RBFOX1: variants seen among roughly 807,000 people sequenced by gnomAD.
RBFOX1 encodes the protein RNA binding fox-1 homolog 1.
A neutral mutation model predicts 57.7 loss-of-function variants in RBFOX1; 8 were observed. The ratio of observed to expected loss-of-function variants is 0.14; its 90% CI spans 0.08 to 0.25. The LOEUF (loss-of-function observed/expected upper bound fraction) is 0.25. Among genes scored for constraint, RBFOX1 ranks in the 10% least tolerant of loss-of-function variants. RBFOX1 has a pLI of 1.00. For synonymous variants in RBFOX1, 326 were observed against 222.4 expected, an observed-to-expected ratio of 1.47 and a Z score of -4.15; for missense variants, 611 against 548.5, an observed-to-expected ratio of 1.11 and a Z score of -1.14.
chr16:6,471,512 G>C (rs1270328479), intron 2 of RBFOX1, among the ~76,000 whole-genome samples: 1 of 150,460 alleles, frequency 6.6e-6, no homozygotes, highest in East Asian at 2.0e-4. Context: ...AATGTTAAAA[G>C]AATGACTCCA....
intron 1 of RBFOX1, among the ~76,000 whole-genome samples, chr16:5,340,445 T>TTCTATGATCTGTCAGATCTATGA (rs1365522287): frequency 2.6e-5 from 4 of 152,216 alleles, no homozygotes; most frequent in Non-Finnish European, 5.9e-5. Flanking sequence ...CAAGAAATAA[T>TTCTATGATCTGTCAGATCTATGA]TCTATGATCT....
rs368225308 is a variant in RBFOX1, at chr16:6,442,334, G to T, written c.-64+125277G>T. 2.8e-4 allele frequency among the ~76,000 whole-genome samples: 42 copies of T among 152,254 alleles called. No individual in the cohort carries two copies. The South Asian group carries it at 8.5e-3, about 31-fold the overall frequency. On this transcript the variant is annotated intron_variant, in intron 2 of 15. Transcript: ENST00000550418. ...GCACTTTGGGAGGCCAAGGTGGGTG[G>T]ATCACGAGGTCAAGAGATTGAGACC...
rs1029693549 is a variant in RBFOX1, at chr16:7,090,781, G to A, written c.27+38683G>A. Among the ~76,000 whole-genome samples the A allele has an allele frequency of 9.2e-5, 14 of 152,270 alleles. 1 individual carries two copies. Among genetic ancestry groups the A allele is most frequent in the South Asian group, 8.3e-4 (4 of 4,832 alleles). On this transcript the variant is annotated intron_variant, in intron 4 of 15. Transcript: ENST00000550418. ...GGAGGGGGAAACAGCCTTCCCTACGGACTTCTTGGAAAAGCAGGGAAGTCA... is the reference window on the plus strand; with the variant it reads ...GGAGGGGGAAACAGCCTTCCCTACGAACTTCTTGGAAAAGCAGGGAAGTCA...
At chr16:5,940,803 G>C (rs1405996725) in intron 4 of RBFOX1, among the ~76,000 whole-genome samples, 1 of 152,122 alleles carries the variant, frequency 6.6e-6, no homozygotes, top group Non-Finnish European at 1.5e-5. Context: ...ATGGGACTTG[G>C]GCTGGCAGCT....
chr16:5,378,828 C>A (rs2066057417), intron 1 of RBFOX1, among the ~76,000 whole-genome samples: 1 of 151,608 alleles, frequency 6.6e-6, no homozygotes, highest in Non-Finnish European at 1.5e-5. Flanking sequence ...ACAGTAGGTG[C>A]TTAGAAAATG....
intron 2 of RBFOX1, among the ~76,000 whole-genome samples, chr16:6,352,041 T>G (rs1466737403): frequency 1.3e-5 from 2 of 152,196 alleles, no homozygotes; most frequent in African/African-American, 2.4e-5. Flanking sequence ...TTCTGTCTGT[T>G]GGGCAGGGAG....
At chr16:6,662,383 C>T (rs996966876) in intron 3 of RBFOX1, among the ~76,000 whole-genome samples, 10 of 152,086 alleles carry the variant, frequency 6.6e-5, no homozygotes, top group Middle Eastern at 3.2e-3. Context: ...CACATTGTAT[C>T]TGTTAAATAT....
At chr16:7,220,333 T>G (rs959787874) in intron 4 of RBFOX1, among the ~76,000 whole-genome samples, 5 of 152,188 alleles carry the variant, frequency 3.3e-5, no homozygotes, top group Admixed American at 2.0e-4. Flanking sequence ...ATTTCTAAAC[T>G]TGGTGTCATT....
chr16:5,849,909 C>G (rs879269680), intron 3 of RBFOX1, among the ~76,000 whole-genome samples: 5 of 152,202 alleles, frequency 3.3e-5, no homozygotes, highest in African/African-American at 1.2e-4. Flanking sequence ...CCCAGCAGCT[C>G]CCTGCTCCTA....
chr16:7,704,094 G>A (rs1263652340), intron 14 of RBFOX1, among the ~76,000 whole-genome samples: 1 of 152,144 alleles, frequency 6.6e-6, no homozygotes, highest in Non-Finnish European at 1.5e-5. Context: ...AGGAAGATGA[G>A]GCTCAGAGAG....
At chr16:5,773,513 G>A (rs1426765446) in intron 3 of RBFOX1, among the ~76,000 whole-genome samples, 2 of 152,142 alleles carry the variant, frequency 1.3e-5, no homozygotes, top group Admixed American at 6.5e-5. Flanking sequence ...TAACATGAAC[G>A]TACTGCAGTT....
chr16:7,682,347 G>A (rs910194193), intron 14 of RBFOX1, among the ~76,000 whole-genome samples: 7 of 152,042 alleles, frequency 4.6e-5, no homozygotes, highest in Admixed American at 6.6e-5. Flanking sequence ...AAGGAACTGA[G>A]GATGGAGTTC....
chr16:7,164,453 T>A (rs2079020693), intron 4 of RBFOX1, among the ~76,000 whole-genome samples: 1 of 152,186 alleles, frequency 6.6e-6, no homozygotes, highest in Non-Finnish European at 1.5e-5. Context: ...TTTTGTATAG[T>A]GATTTCTTTT....
intron 13 of RBFOX1, among the ~76,000 whole-genome samples, chr16:7,667,884 GGGTGGTCTGGAACTCCTGACCTCAA>G (rs2069927165): frequency 6.6e-6 from 1 of 152,076 alleles, no homozygotes; most frequent in Non-Finnish European, 1.5e-5. Flanking sequence ...ATGTTGGCCA[GGGTGGTCTGGAACTCCTGACCTCAA>G]GTGATCCATC....
rs543831022 is a variant in RBFOX1 at position 7,321,295 on chromosome 16, C to A, written c.28-196852C>A. ...AAGTAGCTGGGATTACAGGTGTGTG[C>A]CACCATACCCGGCTAATTTTTTGTG... On this transcript the variant is annotated intron_variant, in intron 4 of 15. Transcript: ENST00000550418. 3.9e-5 allele frequency among the ~76,000 whole-genome samples: 6 copies of A among 152,130 alleles called. No individual in the cohort carries two copies. In the East Asian group the frequency reaches 1.2e-3, roughly 30 times the overall value.
chr16:7,670,127 G>A (rs1032214449), intron 13 of RBFOX1, among the ~76,000 whole-genome samples: 2 of 152,150 alleles, frequency 1.3e-5, no homozygotes, highest in African/African-American at 4.8e-5. Flanking sequence ...TGCCTCCCAG[G>A]TTCAAGCAAT....
intron 4 of RBFOX1, among the ~76,000 whole-genome samples, chr16:7,427,414 G>A (rs2098631499): frequency 6.6e-6 from 1 of 152,078 alleles, no homozygotes; most frequent in Admixed American, 6.5e-5. Context: ...GCTGAAGTTG[G>A]ACAGGCTTGG....
chr16:6,626,575 C>G (rs1160175585), intron 2 of RBFOX1, among the ~76,000 whole-genome samples: 1 of 152,122 alleles, frequency 6.6e-6, no homozygotes, highest in Non-Finnish European at 1.5e-5. Context: ...GCCTGGCCAA[C>G]ATGGTGAAAC....
chr16:5,608,785 G>A (rs1285082304), intron 3 of RBFOX1, among the ~76,000 whole-genome samples: 1 of 152,172 alleles, frequency 6.6e-6, no homozygotes, highest in African/African-American at 2.4e-5. Context: ...TGGCTTTCCT[G>A]ATGTAATCCA....
Sources: allele counts gnomAD v4.1 joint callset (sites outside exome capture counted in the v4.1 genomes callset), GRCh38; gene constraint gnomAD v4.1.1; transcripts MANE v1.5; gene names NCBI Gene and HGNC (gene_info 2026-07-23, HGNC 2026-07-21).